CPNE4: variants seen among roughly 807,000 people sequenced by gnomAD.
CPNE4 encodes copine-4.
In CPNE4, 25 loss-of-function variants were observed where a neutral mutation model predicts 67.9. The observed-to-expected ratio is 0.37, with a 90% CI of 0.27 to 0.51. The LOEUF (loss-of-function observed/expected upper bound fraction) is 0.51, where lower values mean the gene tolerates loss of function less well. CPNE4 is among the 20% of genes least tolerant of loss of function. The probability of loss-of-function intolerance (pLI) is 0.93; values close to 1 mark genes in which losing one functional copy is unlikely to be tolerated. For missense variants in CPNE4, 464 were observed against 690.8 expected, an observed-to-expected ratio of 0.67 and a Z score of 3.68; for synonymous variants, 242 against 244.9, an observed-to-expected ratio of 0.99 and a Z score of 0.11.
intron 2 of CPNE4, among the ~76,000 whole-genome samples, chr3:131,813,293 T>C (rs1240280712): frequency 6.6e-6 from 1 of 151,222 alleles, no homozygotes; most frequent in Non-Finnish European, 1.5e-5. Context: ...TCCATAGTGA[T>C]AAAGATTGAA....
intron 2 of CPNE4, among the ~76,000 whole-genome samples, chr3:131,780,692 G>C (rs1476766255): frequency 6.6e-6 from 1 of 152,116 alleles, no homozygotes; most frequent in African/African-American, 2.4e-5. Flanking sequence ...GGAGGAAGAT[G>C]AGGATTGAAA....
chr3:131,730,486 G>A (rs949246564), intron 2 of CPNE4, among the ~76,000 whole-genome samples: 3 of 152,190 alleles, frequency 2.0e-5, no homozygotes, highest in Admixed American at 2.0e-4. Context: ...TATAGGTTGA[G>A]TTTTATCCCT....
At chr3:131,736,542 C>G (rs13075169) in intron 2 of CPNE4, among the ~76,000 whole-genome samples, 40,862 of 150,122 alleles carry the variant, frequency 0.27, 5,694 homozygotes, top group Middle Eastern at 0.32. Context: ...ATCACTTGAA[C>G]CCGGGAGGCG....
chr3:131,728,986 C>A (rs887130121), intron 2 of CPNE4, among the ~76,000 whole-genome samples: 1 of 151,948 alleles, frequency 6.6e-6, no homozygotes, highest in Non-Finnish European at 1.5e-5. Context: ...GTACAATGGC[C>A]ATCTATTCTC....
chr3:131,914,933 G>A (rs1191695302), intron 1 of CPNE4, among the ~76,000 whole-genome samples: 2 of 152,112 alleles, frequency 1.3e-5, no homozygotes, highest in Admixed American at 6.5e-5. Flanking sequence ...CCGAGATTGC[G>A]CCACTGCACT....
At chr3:131,759,168 T>C (rs1463124921) in intron 2 of CPNE4, among the ~76,000 whole-genome samples, 2 of 152,092 alleles carry the variant, frequency 1.3e-5, no homozygotes, top group Non-Finnish European at 2.9e-5. Flanking sequence ...CACAGGTCAT[T>C]GGGCAACAAG....
At chr3:131,628,755 A>AT (rs143761671) in intron 7 of CPNE4, among the ~76,000 whole-genome samples, 36,907 of 138,818 alleles carry the variant, frequency 0.27, 5,752 homozygotes, top group African/African-American at 0.58. Context: ...CCCCTTTATC[A>AT]TTTTTTATTG....
At chr3:131,683,137 G>A (rs550480090) in intron 6 of CPNE4, among the ~76,000 whole-genome samples, 1 of 152,242 alleles carries the variant, frequency 6.6e-6, no homozygotes, top group Non-Finnish European at 1.5e-5. Flanking sequence ...TCTCACTGTG[G>A]CTGAGCTGGT....
chr3:131,551,356 T>C (rs944288150), intron 13 of CPNE4, among the ~76,000 whole-genome samples: 1 of 152,234 alleles, frequency 6.6e-6, no homozygotes, highest in Admixed American at 6.5e-5. Flanking sequence ...GTTTTTTTGG[T>C]TCTTGAGCTT....
intron 3 of CPNE4, among the ~76,000 whole-genome samples, chr3:131,719,730 C>T (rs1219203217): frequency 6.6e-6 from 1 of 152,224 alleles, no homozygotes; most frequent in African/African-American, 2.4e-5. Flanking sequence ...CATCCCTCCA[C>T]ATCTTTTGGG....
Position 131,542,619 on chromosome 3 carries a change from G to A in CPNE4, c.1477C>T (p.Pro493Ser). The change falls in exon 15 of 16, where the codon CCC (proline) becomes TCC (serine). Residue 493 changes from proline (P) to serine (S), a missense_variant. This residue lies in a region of CPNE4 where 201 missense variants were observed against 357.7 expected (regional missense o/e 0.56). Coordinates refer to ENST00000429747, the MANE Select transcript of CPNE4 (RefSeq NM_130808.3). ...LDGDDGILRS[P>S]KGEPVLRDIV... ...TCTCGAAGAACAGGCTCTCCCTTGG[G>A]TGACCTCAGAATCCCATCATCACCG... is the stretch of plus-strand genomic sequence containing the variant. 6.2e-7 allele frequency: 1 copy of A among 1,614,106 alleles called. No homozygotes were observed. The highest frequency in any genetic ancestry group is 8.5e-7 in the Non-Finnish European group (1 of 1,180,000).
At chr3:131,586,663 G>A (rs1370345223) in intron 8 of CPNE4, among the ~76,000 whole-genome samples, 1 of 152,150 alleles carries the variant, frequency 6.6e-6, no homozygotes, top group Admixed American at 6.5e-5. Flanking sequence ...AATTGGGCAG[G>A]TGAACAATAA....
intron 2 of CPNE4, among the ~76,000 whole-genome samples, chr3:131,726,052 ATGC>A (rs1182281239): frequency 6.6e-6 from 1 of 152,218 alleles, no homozygotes; most frequent in Non-Finnish European, 1.5e-5. Context: ...CCCAAGAAGT[ATGC>A]TGTGGGTGCA....
chr3:131,882,980 G>A (rs1253683885), intron 2 of CPNE4, among the ~76,000 whole-genome samples: 1 of 152,098 alleles, frequency 6.6e-6, no homozygotes, highest in African/African-American at 2.4e-5. Flanking sequence ...GGCTCCCAAA[G>A]TGCTGGGATT....
At chr3:131,933,960 AT>A (rs1233897130) in intron 1 of CPNE4, among the ~76,000 whole-genome samples, 2 of 152,086 alleles carry the variant, frequency 1.3e-5, no homozygotes, top group Admixed American at 1.3e-4. Flanking sequence ...AATGAAAAGT[AT>A]TTTTTTAAAG....
At chr3:131,874,315 C>A (rs368586115) in intron 2 of CPNE4, among the ~76,000 whole-genome samples, 3 of 152,248 alleles carry the variant, frequency 2.0e-5, no homozygotes, top group African/African-American at 7.2e-5. Flanking sequence ...GTTTCAATCT[C>A]CTGACCTTAT....
intron 2 of CPNE4, among the ~76,000 whole-genome samples, chr3:131,812,014 T>G (rs1229368545): frequency 6.6e-6 from 1 of 152,056 alleles, no homozygotes; most frequent in Non-Finnish European, 1.5e-5. Flanking sequence ...GCGCCGTCCA[T>G]GAAGGAGGGC....
chr3:131,858,428 A>C (rs2086538674), intron 2 of CPNE4, among the ~76,000 whole-genome samples: 1 of 152,124 alleles, frequency 6.6e-6, no homozygotes, highest in African/African-American at 2.4e-5. Context: ...TCTACATAGA[A>C]ACTTGGATAA....
intron 2 of CPNE4, among the ~76,000 whole-genome samples, chr3:131,794,846 C>T (rs1027740482): frequency 2.0e-5 from 3 of 152,208 alleles, no homozygotes; most frequent in African/African-American, 4.8e-5. Flanking sequence ...TAAAAGTGTG[C>T]CTGGATGAAA....
Sources: allele counts gnomAD v4.1 joint callset (sites outside exome capture counted in the v4.1 genomes callset), GRCh38; gene constraint gnomAD v4.1.1; regional missense constraint gnomAD v4.1.1; transcripts MANE v1.5; gene names NCBI Gene and HGNC (gene_info 2026-07-23, HGNC 2026-07-21).